The following RORA variants were observed in gnomAD, a reference collection of about 807,000 sequenced individuals.
The protein encoded by RORA is nuclear receptor ROR-alpha.
RORA carries 7 observed loss-of-function variants against 69.5 expected under a neutral mutation model. The observed-to-expected ratio is 0.10, with a 90% CI of 0.06 to 0.19. The LOEUF (loss-of-function observed/expected upper bound fraction) is 0.19, where lower values mean the gene tolerates loss of function less well. Among genes scored for constraint, RORA ranks in the 10% least tolerant of loss-of-function variants. RORA has a pLI of 1.00. For missense variants in RORA, 457 were observed against 663.0 expected, an observed-to-expected ratio of 0.69 and a Z score of 3.41; for synonymous variants, 261 against 240.8, an observed-to-expected ratio of 1.08 and a Z score of -0.78.
At chr15:60,668,192 C>T (rs1282228394) in intron 2 of RORA, among the ~76,000 whole-genome samples, 4 of 152,122 alleles carry the variant, frequency 2.6e-5, no homozygotes, top group African/African-American at 9.7e-5. Context: ...AGTTCGATTC[C>T]TGAGCCCGAA....
rs146749631 is a variant in RORA, at chr15:60,979,253, C to T, written c.166+249800G>A. Among the ~76,000 whole-genome samples the T allele has an allele frequency of 1.8e-3, 262 of 147,610 alleles. 2 individuals are homozygous for T. The highest frequency in any genetic ancestry group is 6.2e-3 in the African/African-American group (247 of 39,738). On this transcript the variant is annotated intron_variant, in intron 1 of 10. Coordinates refer to ENST00000335670, the MANE Select transcript of RORA (RefSeq NM_134261.3). ...TGCTGGGATTAAAGGCGTGAGCCAC[C>T]GCACCTAGCCCTTGCTTTTTTTTTT...
chr15:60,596,085 G>T (rs1439584151), intron 2 of RORA, among the ~76,000 whole-genome samples: 2 of 152,172 alleles, frequency 1.3e-5, no homozygotes, highest in Non-Finnish European at 2.9e-5. Flanking sequence ...AATGATACTT[G>T]ACTTTATGAG....
At chr15:60,544,931 G>C (rs191873950) in intron 2 of RORA, 4 of 152,450 alleles carry the variant, frequency 2.6e-5, no homozygotes, top group Admixed American at 2.6e-4. Context: ...AGGACACAGA[G>C]GAGTAACTTC....
intron 1 of RORA, among the ~76,000 whole-genome samples, chr15:60,813,798 C>A (rs1247843899): frequency 1.3e-5 from 2 of 151,954 alleles, no homozygotes; most frequent in African/African-American, 4.8e-5. Context: ...TGAAATAATC[C>A]TGAGAAATAG....
At chr15:61,029,011 G>T (rs1895989870) in intron 1 of RORA, among the ~76,000 whole-genome samples, 1 of 152,016 alleles carries the variant, frequency 6.6e-6, no homozygotes, top group Non-Finnish European at 1.5e-5. Context: ...TCTTTTTGGG[G>T]TGATGAATAT....
At chr15:60,567,123 T>C (rs964893163) in intron 2 of RORA, among the ~76,000 whole-genome samples, 3 of 152,182 alleles carry the variant, frequency 2.0e-5, no homozygotes, top group African/African-American at 7.2e-5. Context: ...TATGAGTTTT[T>C]AAAATATGTT....
chr15:60,959,594 G>C (rs1394185737), intron 1 of RORA, among the ~76,000 whole-genome samples: 4 of 152,066 alleles, frequency 2.6e-5, no homozygotes, highest in Non-Finnish European at 5.9e-5. Flanking sequence ...TCCTTTCTTG[G>C]AGAGTCACCG....
At chr15:61,135,941 A>C (rs2079235902) in intron 1 of RORA, among the ~76,000 whole-genome samples, 1 of 152,242 alleles carries the variant, frequency 6.6e-6, no homozygotes, top group Non-Finnish European at 1.5e-5. Flanking sequence ...GAAGAAAATG[A>C]AAATGGAAAG....
chr15:60,838,843 AACACACACACACACACACAC>A lies in RORA; in HGVS notation c.167-160177_167-160158del, dbSNP rs58762022. ...TGGTCATCCTTCAAAACATTCATTC[AACACACACACACACACACAC>A]ACACACACACACACACACACACACA... On this transcript the variant is annotated intron_variant, in intron 1 of 10. Coordinates refer to ENST00000335670, the MANE Select transcript of RORA (RefSeq NM_134261.3). 9.0e-5 allele frequency among the ~76,000 whole-genome samples: 11 copies of A among 122,084 alleles called. No individual in the cohort carries two copies. The East Asian group carries it at 9.1e-4, about 10-fold the overall frequency. 80.1% of individuals were successfully genotyped at this position (122,084 alleles called of 152,430 possible). A position where few individuals can be genotyped will look rare whatever the true frequency, so the allele number is the denominator to read the frequency against.
intron 1 of RORA, among the ~76,000 whole-genome samples, chr15:61,036,082 G>A (rs1896446162): frequency 1.3e-5 from 2 of 152,156 alleles, no homozygotes; most frequent in Admixed American, 6.5e-5. Context: ...AAGATAACTA[G>A]GAACAGAAAA....
At chr15:60,575,152 C>T (rs183711780) in intron 2 of RORA, among the ~76,000 whole-genome samples, 4 of 152,108 alleles carry the variant, frequency 2.6e-5, no homozygotes, top group African/African-American at 4.8e-5. Context: ...AGGGCCAGAA[C>T]CTTCAGCAAA....
intron 1 of RORA, among the ~76,000 whole-genome samples, chr15:61,174,459 GGA>G (rs1158914797): frequency 3.3e-5 from 5 of 152,180 alleles, no homozygotes; most frequent in African/African-American, 1.2e-4. Context: ...CCACTGTTCT[GGA>G]AACAGACTTC....
At chr15:60,677,564 C>A (rs985274650) in intron 2 of RORA, among the ~76,000 whole-genome samples, 2 of 149,806 alleles carry the variant, frequency 1.3e-5, no homozygotes, top group South Asian at 4.2e-4. Flanking sequence ...TCCAATTTGA[C>A]GTTTTTTGGT....
In RORA at chr15:61,135,149, A is replaced by T. The variant is rs1462387665; in HGVS notation, c.166+93904T>A. ...ATGGTGAAACCCCATCTCTTACTAAAAAAAAAAAAAAAAAAAAAAAAATCC... is the reference window on the plus strand; with the variant it reads ...ATGGTGAAACCCCATCTCTTACTAATAAAAAAAAAAAAAAAAAAAAAATCC... On this transcript the variant is annotated intron_variant, in intron 1 of 10. Coordinates refer to ENST00000335670, the MANE Select transcript of RORA (RefSeq NM_134261.3). Among the ~76,000 whole-genome samples, 282 of 147,964 alleles carry T rather than the reference A, an allele frequency of 1.9e-3. 1 individual carries two copies. Among genetic ancestry groups the T allele is most frequent in the African/African-American group, 6.7e-3 (269 of 39,952 alleles).
intron 2 of RORA, among the ~76,000 whole-genome samples, chr15:60,612,631 A>T (rs1418698758): frequency 4.1e-5 from 6 of 145,632 alleles, no homozygotes; most frequent in African/African-American, 1.5e-4. Flanking sequence ...ACACCTCTGT[A>T]CCTAGAAGAA....
At chr15:60,622,747 G>A (rs1438158817) in intron 2 of RORA, among the ~76,000 whole-genome samples, 1 of 152,034 alleles carries the variant, frequency 6.6e-6, no homozygotes, top group Non-Finnish European at 1.5e-5. Flanking sequence ...GTGCAGTCTC[G>A]CTGTGTCACC....
chr15:60,698,908 T>G (rs2070943853), intron 1 of RORA, among the ~76,000 whole-genome samples: 1 of 152,138 alleles, frequency 6.6e-6, no homozygotes, highest in African/African-American at 2.4e-5. Flanking sequence ...GTTTCTTGAC[T>G]TTTGTATTTC....
intron 1 of RORA, among the ~76,000 whole-genome samples, chr15:60,961,260 G>C (rs1415283783): frequency 6.6e-6 from 1 of 152,040 alleles, no homozygotes; most frequent in African/African-American, 2.4e-5. Context: ...ACCAAATAAA[G>C]CATAACTCCT....
At chr15:60,763,903 T>C (rs935537449) in intron 1 of RORA, 3 of 152,196 alleles carry the variant, frequency 2.0e-5, no homozygotes, top group African/African-American at 7.2e-5. Flanking sequence ...GCTCCCTTTG[T>C]GATTGGCATC....
Sources: gnomAD v4.1 joint callset for allele counts (sites outside exome capture counted in the v4.1 genomes callset) on GRCh38, gnomAD v4.1.1 for gene constraint, MANE v1.5 for transcripts, NCBI Gene and HGNC (gene_info 2026-07-23, HGNC 2026-07-21) for gene names.